FGF13: variants seen among roughly 807,000 people sequenced by gnomAD.
FGF13 encodes the protein fibroblast growth factor homologous factor 2.
FGF13 carries 2 observed loss-of-function variants against 19.5 expected under a neutral mutation model. The ratio of observed to expected loss-of-function variants is 0.10; its 90% CI spans 0.04 to 0.32. The LOEUF is 0.32. Ranked by LOEUF, FGF13 falls within the 10% of genes least tolerant of loss-of-function variation. FGF13 has a pLI of 1.00. For missense variants in FGF13, 113 were observed against 192.7 expected, an observed-to-expected ratio of 0.59 and a Z score of 2.45; for synonymous variants, 72 against 76.9, an observed-to-expected ratio of 0.94 and a Z score of 0.33.
At chrX:138,957,887 CTT>C (rs2091849072) in intron 1 of FGF13, among the ~76,000 whole-genome samples, 1 of 112,278 alleles carries the variant, frequency 8.9e-6, no homozygotes, top group African/African-American at 3.2e-5. Context: ...TATTCTGAGA[CTT>C]TGCTGAAGTT....
intron 3 of FGF13, among the ~76,000 whole-genome samples, chrX:138,828,430 C>T (rs1424196807): frequency 4.5e-5 from 5 of 109,927 alleles, no homozygotes; most frequent in African/African-American, 9.9e-5. Flanking sequence ...ATTAGCCGGG[C>T]GTGGTGGCGG....
At chrX:139,080,831 C>T (rs116255205) in intron 1 of FGF13, among the ~76,000 whole-genome samples, 3,871 of 111,278 alleles carry the variant, frequency 0.035, 162 homozygotes, top group African/African-American at 0.12. Flanking sequence ...TACATCCTCC[C>T]ACTACCACAT....
chrX:138,933,986 CTA>C (rs763914020), intron 1 of FGF13, among the ~76,000 whole-genome samples: 8 of 112,330 alleles, frequency 7.1e-5, no homozygotes, highest in Non-Finnish European at 1.3e-4. Context: ...TTTTAATTTT[CTA>C]TGTCTTACTA....
intron 1 of FGF13, among the ~76,000 whole-genome samples, chrX:139,067,779 A>T (rs1269642255): frequency 5.3e-5 from 6 of 112,163 alleles, no homozygotes; most frequent in Admixed American, 1.9e-4. Context: ...ATTGAATAAA[A>T]CTACTTTAGA....
intron 3 of FGF13, among the ~76,000 whole-genome samples, chrX:138,669,931 A>G (rs2089594751): frequency 8.9e-6 from 1 of 111,860 alleles, no homozygotes; most frequent in African/African-American, 3.2e-5. Context: ...GCAGAAAGGA[A>G]AGAAATGAGT....
At position 139,102,909 on chromosome X, in the gene FGF13, C is replaced by G. The variant is rs2083526090; in HGVS notation, c.-113+100507G>C. On this transcript the variant is annotated intron_variant, in intron 1 of 2. Transcript: ENST00000421460. ...GCATTTCAAGGAGGAGAAACAGAGT[C>G]TAGATAAGACAATGAGAAACATATT... is the stretch of plus-strand genomic sequence containing the variant. Among the ~76,000 whole-genome samples, 3 of 112,409 alleles carry G rather than the reference C, an allele frequency of 2.7e-5. No individual in the cohort carries two copies. The South Asian group carries it at 1.1e-3, about 41-fold the overall frequency.
chrX:139,112,483 C>A (rs2083610272), intron 1 of FGF13, among the ~76,000 whole-genome samples: 1 of 111,526 alleles, frequency 9.0e-6, no homozygotes, highest in African/African-American at 3.3e-5. Flanking sequence ...AAACCATCAC[C>A]ACAGTCTAAC....
At chrX:138,755,924 A>C (rs2090428816) in intron 3 of FGF13, among the ~76,000 whole-genome samples, 2 of 112,099 alleles carry the variant, frequency 1.8e-5, no homozygotes, top group South Asian at 7.5e-4. Flanking sequence ...GATTAAGTTA[A>C]AATGAGGCTG....
intron 1 of FGF13, among the ~76,000 whole-genome samples, chrX:139,070,440 G>A (rs1014917927): frequency 2.7e-5 from 3 of 112,180 alleles, no homozygotes; most frequent in Admixed American, 9.4e-5. Flanking sequence ...ACCATCTCAC[G>A]CCAGTTAGAA....
intron 3 of FGF13, among the ~76,000 whole-genome samples, chrX:138,837,101 A>G (rs2091118260): frequency 8.9e-6 from 1 of 111,858 alleles, no homozygotes; most frequent in East Asian, 2.8e-4. Flanking sequence ...CATGTATAGG[A>G]GGTGGCGGGC....
At chrX:138,880,259 G>A (rs2091415583) in intron 1 of FGF13, among the ~76,000 whole-genome samples, 1 of 111,862 alleles carries the variant, frequency 8.9e-6, no homozygotes. Context: ...CAACCATTGT[G>A]GAAGACAGTG....
chrX:138,794,779 T>C (rs1055667942), intron 3 of FGF13, among the ~76,000 whole-genome samples: 4 of 111,719 alleles, frequency 3.6e-5, no homozygotes, highest in African/African-American at 9.8e-5. Flanking sequence ...CTTTTAACAG[T>C]CTCTATCACT....
chrX:139,009,505 C>G (rs752659971), intron 1 of FGF13, among the ~76,000 whole-genome samples: 1 of 111,631 alleles, frequency 9.0e-6, no homozygotes. Flanking sequence ...TTTTAGCTTC[C>G]TTAAACAAAA....
rs1251343166 is a variant in FGF13, at chrX:138,616,264, G to A, written c.*16586C>T. ...ATTTCCAAGATACAATGGGGGTACA[G>A]GAATTGAGTAAAAATACCCATTCCA... On this transcript the variant is annotated 3_prime_UTR_variant, in exon 5 of 5. Coordinates refer to ENST00000315930, the MANE Select transcript of FGF13 (RefSeq NM_004114.5). 8.9e-6 allele frequency: 1 copy of A among 112,685 alleles called. No homozygotes were observed. Among genetic ancestry groups the A allele is most frequent in the East Asian group, 2.8e-4 (1 of 3,566 alleles). The allele number at this position is 112,685 out of a possible 1,213,427, so 9.3% of individuals were successfully genotyped here. A position where few individuals can be genotyped will look rare whatever the true frequency, so the allele number is the denominator to read the frequency against.
chrX:138,998,456 A>G (rs1425340584), intron 1 of FGF13, among the ~76,000 whole-genome samples: 1 of 110,358 alleles, frequency 9.1e-6, no homozygotes, highest in Non-Finnish European at 1.9e-5. Context: ...GCAAAGACAC[A>G]CATAGGCTCA....
At chrX:139,030,463 C>G (rs2092222258) in intron 1 of FGF13, among the ~76,000 whole-genome samples, 1 of 111,652 alleles carries the variant, frequency 9.0e-6, no homozygotes. Context: ...TTATCTACTG[C>G]TGTGTAAAAA....
At chrX:138,843,384 C>G (rs1476062497) in intron 3 of FGF13, among the ~76,000 whole-genome samples, 1 of 112,227 alleles carries the variant, frequency 8.9e-6, no homozygotes, top group Non-Finnish European at 1.9e-5. Flanking sequence ...AACCTATAAT[C>G]AAAGCACAAG....
At chrX:138,846,109 C>G (rs2091179736) in intron 3 of FGF13, among the ~76,000 whole-genome samples, 1 of 110,096 alleles carries the variant, frequency 9.1e-6, no homozygotes, top group African/African-American at 3.3e-5. Context: ...GTAGAGGAAC[C>G]ATGTGAGCTG....
intron 1 of FGF13, among the ~76,000 whole-genome samples, chrX:139,188,330 AAAT>A (rs1471048721): frequency 8.9e-6 from 1 of 112,472 alleles, no homozygotes; most frequent in Non-Finnish European, 1.9e-5. Flanking sequence ...CACCAATGGG[AAAT>A]AATATATTAA....
Sources: allele counts gnomAD v4.1 joint callset (sites outside exome capture counted in the v4.1 genomes callset), GRCh38; gene constraint gnomAD v4.1.1; transcripts MANE v1.5; gene names NCBI Gene and HGNC (gene_info 2026-07-23, HGNC 2026-07-21).